Variants in NCAM2 observed in about 807,000 individuals in gnomAD.
NCAM2 encodes neural cell adhesion molecule 2.
Under a neutral mutation model 98.1 loss-of-function variants are expected in NCAM2, and 30 were observed. The ratio of observed to expected loss-of-function variants is 0.31; its 90% confidence interval spans 0.23 to 0.41. The LOEUF is 0.41. NCAM2 is among the 10% of genes least tolerant of loss of function. The probability of loss-of-function intolerance (pLI) is 1.00; values close to 1 mark genes in which losing one functional copy is unlikely to be tolerated. For synonymous variants in NCAM2, 368 were observed against 342.4 expected (o/e 1.07, Z -0.83); for missense variants, 867 against 1,005.8 (o/e 0.86, Z 1.87).
intron 12 of NCAM2, among the ~76,000 whole-genome samples, chr21:21,453,369 A>C (rs1981627614): frequency 6.6e-6 from 1 of 151,766 alleles, no homozygotes; most frequent in African/African-American, 2.4e-5. Flanking sequence ...GGTCAGTATG[A>C]AGGGCGTCCT....
intron 5 of NCAM2, among the ~76,000 whole-genome samples, chr21:21,318,867 A>G (rs2074294260): frequency 6.6e-6 from 1 of 152,242 alleles, no homozygotes; most frequent in Non-Finnish European, 1.5e-5. Flanking sequence ...ATTGACATAA[A>G]TATGTCTCTT....
At chr21:21,117,872 T>G (rs572953532) in intron 1 of NCAM2, among the ~76,000 whole-genome samples, 1 of 152,338 alleles carries the variant, frequency 6.6e-6, no homozygotes, top group East Asian at 1.9e-4. Context: ...AGGATATGGC[T>G]TAGTATTAGG....
intron 6 of NCAM2, among the ~76,000 whole-genome samples, chr21:21,332,131 C>G (rs916046716): frequency 2.6e-5 from 4 of 152,130 alleles, no homozygotes; most frequent in Non-Finnish European, 2.9e-5. Flanking sequence ...TCTGTAACTC[C>G]TGACCTTGTG....
intron 1 of NCAM2, among the ~76,000 whole-genome samples, chr21:21,093,217 G>T (rs1044570582): frequency 6.6e-6 from 1 of 152,102 alleles, no homozygotes; most frequent in African/African-American, 2.4e-5. Flanking sequence ...TGTCTCCTGT[G>T]TGGAGACGTC....
intron 1 of NCAM2, among the ~76,000 whole-genome samples, chr21:21,064,028 G>A (rs965970831): frequency 6.6e-6 from 1 of 152,166 alleles, no homozygotes; most frequent in Non-Finnish European, 1.5e-5. Flanking sequence ...GGGATACTGG[G>A]TGATTCTTGC....
rs546029477 is a variant in NCAM2 at position 21,248,749 on chromosome 21, C to T, written c.56-31829C>T. On this transcript the variant is annotated intron_variant, in intron 1 of 17. Transcript: ENST00000400546. ...CTGAGATTGTGCCACTGCATTCCAG[C>T]CTGGGCAACAGAGCAAGACTCTGTC... 4.8e-4 allele frequency among the ~76,000 whole-genome samples: 56 copies of T among 116,664 alleles called. No homozygotes were observed. In the South Asian group the frequency reaches 0.016, roughly 33 times the overall value. 76.5% of individuals were successfully genotyped at this position (116,664 alleles called of 152,430 possible).
chr21:21,332,564 T>C (rs1299964493), intron 6 of NCAM2, among the ~76,000 whole-genome samples: 2 of 152,200 alleles, frequency 1.3e-5, no homozygotes, highest in African/African-American at 4.8e-5. Context: ...GAGAAGGCCT[T>C]ACTGGTGTAC....
At chr21:21,036,478 T>C (rs2146243573) in intron 1 of NCAM2, among the ~76,000 whole-genome samples, 1 of 152,258 alleles carries the variant, frequency 6.6e-6, no homozygotes, top group East Asian at 1.9e-4. Flanking sequence ...TTTCTGTCTA[T>C]AAAACAAATT....
At chr21:21,236,155 A>T (rs1227807410) in intron 1 of NCAM2, among the ~76,000 whole-genome samples, 1 of 133,800 alleles carries the variant, frequency 7.5e-6, no homozygotes, top group Non-Finnish European at 1.7e-5. Context: ...TTCCCTGATT[A>T]TCCAAGCAAA....
chr21:21,452,496 TATATATA>T (rs1343456249), intron 12 of NCAM2, among the ~76,000 whole-genome samples: 5 of 132,826 alleles, frequency 3.8e-5, no homozygotes, highest in East Asian at 2.1e-4. Context: ...AATATCAATT[TATATATA>T]ATATATAATA....
intron 10 of NCAM2, among the ~76,000 whole-genome samples, chr21:21,414,068 C>T (rs2076938549): frequency 6.6e-6 from 1 of 152,206 alleles, no homozygotes; most frequent in African/African-American, 2.4e-5. Flanking sequence ...CAGGCATCTT[C>T]AGCAGGAGTA....
chr21:21,529,843 A>T (rs541082286), intron 16 of NCAM2, among the ~76,000 whole-genome samples: 1 of 151,482 alleles, frequency 6.6e-6, no homozygotes, highest in East Asian at 1.9e-4. Flanking sequence ...CAGTACCAAC[A>T]TATATAATTT....
chr21:21,023,990 C>G (rs2064490074), intron 1 of NCAM2, among the ~76,000 whole-genome samples: 1 of 152,110 alleles, frequency 6.6e-6, no homozygotes, highest in South Asian at 2.1e-4. Context: ...CCACTGAGCC[C>G]TGTGGGTAAT....
intron 15 of NCAM2, among the ~76,000 whole-genome samples, chr21:21,492,841 TA>T (rs1986943916): frequency 6.6e-6 from 1 of 151,934 alleles, no homozygotes; most frequent in East Asian, 1.9e-4. Flanking sequence ...TTTTTCTGTT[TA>T]AATGTGGTTA....
intron 1 of NCAM2, among the ~76,000 whole-genome samples, chr21:21,274,190 C>T (rs1016172985): frequency 1.5e-4 from 22 of 151,088 alleles, no homozygotes; most frequent in Admixed American, 6.6e-4. Context: ...AAATTTTAAT[C>T]ACTTAGCCCT....
chr21:21,081,872 A>C (rs1327473762), intron 1 of NCAM2, among the ~76,000 whole-genome samples: 2 of 144,410 alleles, frequency 1.4e-5, no homozygotes, highest in African/African-American at 5.4e-5. Flanking sequence ...AAAACAAACA[A>C]ACACTTTATT....
intron 14 of NCAM2, among the ~76,000 whole-genome samples, chr21:21,469,523 C>G (rs1984155568): frequency 2.0e-5 from 3 of 151,884 alleles, no homozygotes. Context: ...GTTAAATTTT[C>G]TAAGATTCAT....
intron 12 of NCAM2, among the ~76,000 whole-genome samples, chr21:21,464,831 G>A (rs1450437049): frequency 6.6e-6 from 1 of 151,960 alleles, no homozygotes; most frequent in South Asian, 2.1e-4. Context: ...AGTGGGTTTG[G>A]GTTTCCTGAA....
intron 1 of NCAM2, among the ~76,000 whole-genome samples, chr21:21,056,234 ACTTT>A (rs952408772): frequency 1.3e-5 from 2 of 152,066 alleles, no homozygotes. Flanking sequence ...TATTCATTAA[ACTTT>A]CCAGTAGCTT....
Sources: allele counts gnomAD v4.1 joint callset (sites outside exome capture counted in the v4.1 genomes callset), GRCh38; gene constraint gnomAD v4.1.1; transcripts MANE v1.5; gene names NCBI Gene and HGNC (gene_info 2026-07-23, HGNC 2026-07-21).